Variants in DNM1 observed in about 807,000 individuals in gnomAD.
The protein encoded by DNM1 is dynamin 1, also known as dynamin-1.
A neutral mutation model predicts 104.6 loss-of-function variants in DNM1; 29 were observed. The observed-to-expected ratio is 0.28, with a 90% CI of 0.21 to 0.38. DNM1 has a LOEUF of 0.38. DNM1 is among the 10% of genes least tolerant of loss of function. DNM1 has a pLI of 1.00. For synonymous variants in DNM1, 445 were observed against 475.8 expected (o/e 0.94, Z 0.84); for missense variants, 640 against 1,189.4 (o/e 0.54, Z 6.79).
intron 1 of DNM1, among the ~76,000 whole-genome samples, chr9:128,215,499 T>TGGG (rs922558985): frequency 1.8e-4 from 28 of 152,366 alleles, no homozygotes; most frequent in Admixed American, 1.6e-3. Context: ...ATCTTGGCTC[T>TGGG]GGGAGGGGTT....
intron 15 of DNM1, chr9:128,244,781 C>T (rs768626729): frequency 8.2e-5 from 44 of 534,284 alleles, no homozygotes; most frequent in Admixed American, 5.8e-4. Context: ...TTTGGGAGTC[C>T]TGAACAGATA....
At chr9:128,242,069 T>C in intron 14 of DNM1, 163 bp from the exon 15 acceptor site, 3 of 636,678 alleles carry the variant, frequency 4.7e-6, no homozygotes, top group Non-Finnish European at 8.5e-6. Context: ...CTCTGTTCAC[T>C]TGTGGTTCAA....
Position 128,239,429 on chromosome 9 carries a change from C to CTATG in DNM1, c.1423-12_1423-9dup, listed in dbSNP as rs1836223157. On this transcript the variant is annotated splice_polypyrimidine_tract_variant and intron_variant, in intron 11 of 21. Transcript: ENST00000372923. ...GTGTCTTTTGCGCTTGCCCACCAAC[C>CTATG]TATGTATCCTTGAAGGTCATGCTTC... 1 of 1,611,932 alleles carries CTATG rather than the reference C, an allele frequency of 6.2e-7. No homozygotes were observed. The highest frequency in any genetic ancestry group is 8.5e-7 in the Non-Finnish European group (1 of 1,178,284).
chr9:128,228,841 G>T (rs1296699754), intron 10 of DNM1, among the ~76,000 whole-genome samples: 1 of 151,924 alleles, frequency 6.6e-6, no homozygotes, highest in Non-Finnish European at 1.5e-5. Flanking sequence ...AAATTAGACG[G>T]GCATGGTGGC....
chr9:128,241,996 G>A (rs763064111), intron 14 of DNM1, among the ~76,000 whole-genome samples: 5 of 152,168 alleles, frequency 3.3e-5, no homozygotes, highest in Admixed American at 1.3e-4. Context: ...CCCTTAACTC[G>A]GCCAGGTCTG....
intron 1 of DNM1, among the ~76,000 whole-genome samples, chr9:128,208,067 T>C (rs1200062791): frequency 6.6e-6 from 1 of 151,754 alleles, no homozygotes; most frequent in African/African-American, 2.4e-5. Context: ...TCTTTTTTTT[T>C]TCTTTTTTTG....
intron 16 of DNM1, 52 bp downstream of exon 16, chr9:128,246,555 T>A: frequency 7.2e-7 from 1 of 1,381,652 alleles, no homozygotes; most frequent in Non-Finnish European, 1.0e-6. Context: ...CCACCCTCAC[T>A]GAGTAGAAGC....
At position 128,251,310 on chromosome 9, in the gene DNM1, C is replaced by T. The variant is rs1400382761; in HGVS notation, c.2534+370C>T. ...CTCCATCCTCCATTCCGTCCAATTC[C>T]TCTCCCAGCCCCTGGGGAGCCTACC... On this transcript the variant is annotated intron_variant, in intron 21 of 21. Coordinates refer to ENST00000372923, the MANE Select transcript of DNM1 (RefSeq NM_004408.4). 5 of 404,788 alleles carry T rather than the reference C, an allele frequency of 1.2e-5. No homozygotes were observed. In the East Asian group the frequency reaches 2.3e-4, roughly 18 times the overall value. The allele number at this position is 404,788 out of a possible 1,614,324, so 25.1% of individuals were successfully genotyped here.
chr9:128,254,458 C>G lies in DNM1; in HGVS notation c.2535-196C>G. On this transcript the variant is annotated intron_variant, in intron 21 of 21. Coordinates refer to ENST00000372923, the MANE Select transcript of DNM1 (RefSeq NM_004408.4). The surrounding 1 kb of genome is among the most constrained non-coding windows in gnomAD (Gnocchi z 6.1). ...CGCTATCTGTGAAGCTACGGCTCCT[C>G]CCTCCATCTTCCTCCCCTTTCCCTT... is the stretch of plus-strand genomic sequence containing the variant. 1 of 1,483,658 alleles carries G rather than the reference C, an allele frequency of 6.7e-7. No individual in the cohort carries two copies. Among genetic ancestry groups the G allele is most frequent in the Non-Finnish European group, 8.9e-7 (1 of 1,125,240 alleles). The allele number at this position is 1,483,658 out of a possible 1,614,324, so 91.9% of individuals were successfully genotyped here.
intron 13 of DNM1, 27 bp from the exon 14 acceptor site, chr9:128,239,958 G>A (rs373534935): frequency 7.2e-5 from 116 of 1,613,904 alleles, no homozygotes; most frequent in Middle Eastern, 1.6e-4. Context: ...GATGCCTCTC[G>A]TGGTTGCTAT....
chr9:128,212,917 G>A (rs1834387447), intron 1 of DNM1, among the ~76,000 whole-genome samples: 3 of 152,202 alleles, frequency 2.0e-5, no homozygotes. Flanking sequence ...TTGTGCTGAT[G>A]TAGATTTTCA....
At position 128,245,807 on chromosome 9, in the gene DNM1, T is replaced by A. The variant is rs1836765462; in HGVS notation, c.1672-587T>A. 6.6e-6 allele frequency among the ~76,000 whole-genome samples: 1 copy of A among 152,172 alleles called. No individual in the cohort carries two copies. The highest frequency in any genetic ancestry group is 2.4e-5 in the African/African-American group (1 of 41,426). On this transcript the variant is annotated intron_variant, in intron 15 of 21. Transcript: ENST00000372923. The surrounding 1 kb of genome is among the most constrained non-coding windows in gnomAD (Gnocchi z 5.2). ...TGCTGGGCACCTCCCCAGATACACATGTGCACACACACACAATAGCTGATA... is the reference window on the plus strand; with the variant it reads ...TGCTGGGCACCTCCCCAGATACACAAGTGCACACACACACAATAGCTGATA...
chr9:128,217,733 T>A (rs1331689611), intron 1 of DNM1, among the ~76,000 whole-genome samples: 1 of 152,128 alleles, frequency 6.6e-6, no homozygotes, highest in African/African-American at 2.4e-5. Flanking sequence ...TCCTTTTCCT[T>A]GCCACCTCCT....
intron 1 of DNM1, among the ~76,000 whole-genome samples, chr9:128,214,731 C>A (rs1303974514): frequency 1.3e-5 from 2 of 152,234 alleles, no homozygotes; most frequent in Admixed American, 1.3e-4. Context: ...GGCACAGCCT[C>A]CCTGGGAACC....
rs1834898303 is a variant in DNM1 at position 128,220,732 on chromosome 9, CGCGCGCGCGCGT to C, written c.849+393_849+404del. Among the ~76,000 whole-genome samples, 1 of 98,880 alleles carries C rather than the reference CGCGCGCGCGCGT, an allele frequency of 1.0e-5. No individual in the cohort carries two copies. The highest frequency in any genetic ancestry group is 4.4e-5 in the African/African-American group (1 of 22,672). 64.9% of individuals were successfully genotyped at this position (98,880 alleles called of 152,430 possible). A position where few individuals can be genotyped will look rare whatever the true frequency, so the allele number is the denominator to read the frequency against. On this transcript the variant is annotated intron_variant, in intron 6 of 21. Coordinates refer to ENST00000372923, the MANE Select transcript of DNM1 (RefSeq NM_004408.4). This position sits in a 1 kb window ranked among gnomAD's most constrained non-coding sequence, Gnocchi z 5.2. Reference sequence around the variant, plus strand: ...ATGGGGCATCCAGAACTGAAGTGCGCGCGCGCGCGCGTGTGTGTGTGTGTGTGTGTGTGTGTC... The same window carrying C: ...ATGGGGCATCCAGAACTGAAGTGCGCGTGTGTGTGTGTGTGTGTGTGTGTC...
At chr9:128,213,081 TC>T (rs1213503429) in intron 1 of DNM1, among the ~76,000 whole-genome samples, 2 of 152,184 alleles carry the variant, frequency 1.3e-5, no homozygotes, top group Admixed American at 6.5e-5. Flanking sequence ...ATTTTCTGGA[TC>T]TTTTTGTTTG....
In DNM1 at chr9:128,222,677, C is replaced by T. The variant is rs909862062; in HGVS notation, c.1128+81C>T. The T allele has an allele frequency of 6.2e-6, 10 of 1,600,928 alleles. No individual in the cohort carries two copies. In the African/African-American group the frequency reaches 1.2e-4, roughly 19 times the overall value. ...AGGACTCTCTCTGCGTGTGTTTTTG[C>T]TGGCCCCCACCCCACAGGCCCTGAT... is the stretch of plus-strand genomic sequence containing the variant. On this transcript the variant is annotated intron_variant, in intron 8 of 21. Coordinates refer to ENST00000372923, the MANE Select transcript of DNM1 (RefSeq NM_004408.4). This position sits in a 1 kb window ranked among gnomAD's most constrained non-coding sequence, Gnocchi z 7.8.
At chr9:128,252,274 A>C in intron 21 of DNM1, 1 of 306,058 alleles carries the variant, frequency 3.3e-6, no homozygotes, top group Non-Finnish European at 6.4e-6. Context: ...ACCCAGGTCT[A>C]TGGTGCGGTG....
chr9:128,226,382 C>T (rs1345288181), intron 10 of DNM1, among the ~76,000 whole-genome samples: 2 of 152,250 alleles, frequency 1.3e-5, no homozygotes, highest in East Asian at 3.8e-4. Flanking sequence ...ACCCAAGCCT[C>T]CTTGGTGGCA....
Sources: gnomAD v4.1 joint callset for allele counts (sites outside exome capture counted in the v4.1 genomes callset) on GRCh38, gnomAD v4.1.1 for gene constraint, Gnocchi (gnomAD v3.1) non-coding constraint, MANE v1.5 for transcripts, NCBI Gene and HGNC (gene_info 2026-07-23, HGNC 2026-07-21) for gene names.